PLPPR5: variants seen among roughly 807,000 people sequenced by gnomAD.
PLPPR5 encodes the protein phospholipid phosphatase related 5.
PLPPR5 carries 16 observed loss-of-function variants against 33.9 expected under a neutral mutation model. The ratio of observed to expected loss-of-function variants is 0.47; its 90% CI spans 0.32 to 0.72. The LOEUF is 0.72. Among genes scored for constraint, PLPPR5 ranks in the 30% least tolerant of loss-of-function variants. The probability of loss-of-function intolerance (pLI) is 0.03; values close to 1 mark genes in which losing one functional copy is unlikely to be tolerated. For missense variants in PLPPR5, 301 were observed against 406.7 expected, an observed-to-expected ratio of 0.74 and a Z score of 2.23; for synonymous variants, 163 against 150.3, an observed-to-expected ratio of 1.08 and a Z score of -0.62.
intron 5 of PLPPR5, among the ~76,000 whole-genome samples, chr1:98,905,368 T>C (rs897595924): frequency 6.6e-6 from 1 of 152,180 alleles, no homozygotes; most frequent in African/African-American, 2.4e-5. Context: ...TTCTATATTA[T>C]AGACATCAAC....
At chr1:98,925,651 CTAT>C (rs932273420) in intron 3 of PLPPR5, among the ~76,000 whole-genome samples, 17 of 151,816 alleles carry the variant, frequency 1.1e-4, no homozygotes, top group African/African-American at 4.1e-4. Context: ...AAACACTGAA[CTAT>C]TATTAATAAT....
chr1:98,943,375 GA>G lies in PLPPR5; in HGVS notation c.621+9694del, dbSNP rs201108388. Reference sequence around the variant, plus strand: ...TTTACTCAGGTTTCCATACACTGGAGAAAAAAAAATATCCAGATATTTTGAG... The same window carrying G: ...TTTACTCAGGTTTCCATACACTGGAGAAAAAAAATATCCAGATATTTTGAG... On this transcript the variant is annotated intron_variant, in intron 3 of 5. Transcript: ENST00000263177. Among the ~76,000 whole-genome samples the G allele has an allele frequency of 1.1e-4, 16 of 151,436 alleles. No individual in the cohort carries two copies. In the East Asian group the frequency reaches 1.2e-3, roughly 11 times the overall value.
intron 3 of PLPPR5, among the ~76,000 whole-genome samples, chr1:98,937,026 A>G (rs1650190062): frequency 6.6e-6 from 1 of 152,216 alleles, no homozygotes; most frequent in Admixed American, 6.5e-5. Context: ...TGAGGTAGGA[A>G]TACACACATG....
At chr1:98,960,351 A>G (rs1194950837) in intron 1 of PLPPR5, among the ~76,000 whole-genome samples, 1 of 151,894 alleles carries the variant, frequency 6.6e-6, no homozygotes, top group Non-Finnish European at 1.5e-5. Context: ...CTATAGGCAC[A>G]TGCCACCACA....
At chr1:99,003,875 C>A (rs1049035240) in intron 1 of PLPPR5, among the ~76,000 whole-genome samples, 1 of 152,196 alleles carries the variant, frequency 6.6e-6, no homozygotes, top group African/African-American at 2.4e-5. Context: ...TTCTCAAATT[C>A]TTTTTTCAGA....
intron 3 of PLPPR5, among the ~76,000 whole-genome samples, chr1:98,923,014 A>G (rs900980303): frequency 4.0e-5 from 6 of 149,788 alleles, no homozygotes; most frequent in East Asian, 4.0e-4. Context: ...AAAAAAAACC[A>G]TAAGTACGAT....
chr1:98,933,610 A>G (rs1485746205), intron 3 of PLPPR5, among the ~76,000 whole-genome samples: 1 of 152,204 alleles, frequency 6.6e-6, no homozygotes, highest in African/African-American at 2.4e-5. Context: ...AGCTTTGCAT[A>G]ACCAAAGCTG....
At chr1:98,932,090 A>C (rs1037703793) in intron 3 of PLPPR5, among the ~76,000 whole-genome samples, 3 of 152,210 alleles carry the variant, frequency 2.0e-5, no homozygotes, top group Non-Finnish European at 4.4e-5. Context: ...CTCAGGCCTC[A>C]GTGGCCAACA....
At position 98,952,262 on chromosome 1, in the gene PLPPR5, C is replaced by CAAAAAAAAAAA; in HGVS notation, c.621+807_621+808insTTTTTTTTTTT. On this transcript the variant is annotated intron_variant, in intron 3 of 5. Transcript: ENST00000263177. ...TGGGTGACAGAGCGAGACTCCGTCT[C>CAAAAAAAAAAA]AGAAAAAAAAAAAAAAAAAAAAATC... 1.8e-5 allele frequency among the ~76,000 whole-genome samples: 2 copies of CAAAAAAAAAAA among 113,062 alleles called. 1 individual carries two copies. Among genetic ancestry groups the CAAAAAAAAAAA allele is most frequent in the Middle Eastern group, 9.3e-3 (2 of 216 alleles). 74.2% of individuals were successfully genotyped at this position (113,062 alleles called of 152,430 possible).
chr1:98,968,821 G>C (rs1330076972), intron 1 of PLPPR5, among the ~76,000 whole-genome samples: 3 of 151,960 alleles, frequency 2.0e-5, no homozygotes, highest in Non-Finnish European at 2.9e-5. Flanking sequence ...GGACACAATG[G>C]CACAGAGAGA....
chr1:98,996,105 GA>G (rs1240728973), intron 1 of PLPPR5, among the ~76,000 whole-genome samples: 1 of 152,078 alleles, frequency 6.6e-6, no homozygotes, highest in Non-Finnish European at 1.5e-5. Context: ...CAGAGTCCAA[GA>G]GACCTACATA....
chr1:98,919,495 A>G (rs1426076753), intron 4 of PLPPR5, among the ~76,000 whole-genome samples: 1 of 152,188 alleles, frequency 6.6e-6, no homozygotes, highest in Non-Finnish European at 1.5e-5. Flanking sequence ...CCAGAGCTGG[A>G]GTTACTGCTC....
chr1:98,953,721 T>A (rs1650893001), intron 2 of PLPPR5, among the ~76,000 whole-genome samples: 1 of 152,192 alleles, frequency 6.6e-6, no homozygotes, highest in African/African-American at 2.4e-5. Flanking sequence ...AAAATTTTTT[T>A]ATCTCACTAA....
intron 4 of PLPPR5, among the ~76,000 whole-genome samples, chr1:98,920,592 C>CTAAAAAAAAAAAAAA (rs1557669386): frequency 7.3e-5 from 1 of 13,658 alleles, no homozygotes; most frequent in Non-Finnish European, 2.2e-4. Flanking sequence ...AGTGGTATCA[C>CTAAAAAAAAAAAAAA]CAAAAAAAAA....
chr1:98,963,519 G>A (rs1415710359), intron 1 of PLPPR5, among the ~76,000 whole-genome samples: 1 of 152,202 alleles, frequency 6.6e-6, no homozygotes, highest in Non-Finnish European at 1.5e-5. Context: ...AACCTCCAGA[G>A]AGAGACAGAG....
intron 1 of PLPPR5, among the ~76,000 whole-genome samples, chr1:98,984,856 G>T (rs1652197606): frequency 6.6e-6 from 1 of 151,748 alleles, no homozygotes; most frequent in Non-Finnish European, 1.5e-5. Flanking sequence ...TTTGTTAATA[G>T]GTTCCACCCT....
At chr1:98,932,734 T>G (rs895554935) in intron 3 of PLPPR5, among the ~76,000 whole-genome samples, 2 of 152,214 alleles carry the variant, frequency 1.3e-5, no homozygotes, top group African/African-American at 4.8e-5. Context: ...GCAGTAAGCA[T>G]GCACATTAGT....
intron 1 of PLPPR5, among the ~76,000 whole-genome samples, chr1:98,984,458 C>T (rs1388350662): frequency 6.6e-6 from 1 of 151,930 alleles, no homozygotes; most frequent in Non-Finnish European, 1.5e-5. Context: ...GAAATCTTAC[C>T]AAAGGTAATT....
intron 1 of PLPPR5, among the ~76,000 whole-genome samples, chr1:99,000,138 C>G (rs1206560133): frequency 1.3e-5 from 2 of 152,140 alleles, no homozygotes; most frequent in Non-Finnish European, 2.9e-5. Flanking sequence ...AAGCAATGTC[C>G]AGTGCTCTGG....
Sources: gnomAD v4.1 joint callset for allele counts (sites outside exome capture counted in the v4.1 genomes callset) on GRCh38, gnomAD v4.1.1 for gene constraint, MANE v1.5 for transcripts, NCBI Gene and HGNC (gene_info 2026-07-23, HGNC 2026-07-21) for gene names.